The following EGFR variants were observed in gnomAD, a reference collection of about 807,000 sequenced individuals.
EGFR encodes the protein avian erythroblastic leukemia viral (v-erb-b) oncogene homolog.
A neutral mutation model predicts 143.0 loss-of-function variants in EGFR; 58 were observed. The observed-to-expected ratio is 0.41, with a 90% CI of 0.33 to 0.50. EGFR has a LOEUF of 0.50. EGFR is among the 20% of genes least tolerant of loss of function. The pLI is 0.39. For missense variants in EGFR, 1,307 were observed against 1,579.0 expected (o/e 0.83, Z 2.92); for synonymous variants, 613 against 594.4 (o/e 1.03, Z -0.45).
chr7:55,105,142 G>A (rs1048171382), intron 1 of EGFR, among the ~76,000 whole-genome samples: 1 of 152,200 alleles, frequency 6.6e-6, no homozygotes, highest in Admixed American at 6.5e-5. Flanking sequence ...GCTTGCGGTT[G>A]TTACATGTCT....
intron 2 of EGFR, 142 bp downstream of exon 2, chr7:55,142,579 G>A (rs1197362439): frequency 5.7e-6 from 6 of 1,056,932 alleles, no homozygotes; most frequent in East Asian, 2.5e-5. Context: ...AGAGTTTTAT[G>A]AGAAAGCCAT....
intron 19 of EGFR, among the ~76,000 whole-genome samples, chr7:55,176,003 G>A (rs1786574636): frequency 6.6e-6 from 1 of 152,098 alleles, no homozygotes; most frequent in South Asian, 2.1e-4. Flanking sequence ...CATTTTAACG[G>A]TTTACAAATT....
At chr7:55,041,242 G>A (rs937234029) in intron 1 of EGFR, among the ~76,000 whole-genome samples, 1 of 152,098 alleles carries the variant, frequency 6.6e-6, no homozygotes, top group Non-Finnish European at 1.5e-5. Flanking sequence ...GCAAAACCTC[G>A]TCTCTACTAA....
intron 4 of EGFR, among the ~76,000 whole-genome samples, chr7:55,149,365 TCA>T (rs139216717): frequency 1.3e-5 from 2 of 151,264 alleles, no homozygotes; most frequent in Non-Finnish European, 1.5e-5. Flanking sequence ...TCTCTTTCTG[TCA>T]CACACACACA....
chr7:55,201,292 C>T lies in EGFR; in HGVS notation c.3051C>T (p.Leu1017=), dbSNP rs780539015. ...ACGTGGTGGATGCCGACGAGTACCT[C>T]ATCCCACAGCAGGGCTTCTTCAGCA... is the stretch of plus-strand genomic sequence containing the variant. The part of the protein sequence containing the change: ...MDDVVDADEY[L]IPQQGFFSSP... The change falls in exon 25 of 28, where the codon CTC becomes CTT. Residue 1017 remains leucine, a synonymous_variant. Transcript: ENST00000275493. 3.1e-6 allele frequency: 5 copies of T among 1,613,902 alleles called. No individual in the cohort carries two copies. Among genetic ancestry groups the T allele is most frequent in the African/African-American group, 1.3e-5 (1 of 74,902 alleles).
At chr7:55,146,472 T>G in intron 3 of EGFR, 134 bp from the exon 4 acceptor site, 2 of 1,428,816 alleles carry the variant, frequency 1.4e-6, no homozygotes, top group Non-Finnish European at 1.9e-6. Flanking sequence ...GGAAGTTCAC[T>G]GGGCTAATTG....
At position 55,186,332 on chromosome 7, in the gene EGFR, G is replaced by A. The variant is rs149513378; in HGVS notation, c.2469+4854G>A. On this transcript the variant is annotated intron_variant, in intron 20 of 27. Coordinates refer to ENST00000275493, the MANE Select transcript of EGFR (RefSeq NM_005228.5). ...CAGGTCCCAGAGGGCTCCGGCCTTC[G>A]TCATCCAGGTTTGCTCCCTCCCCTC... 4.0e-4 allele frequency among the ~76,000 whole-genome samples: 61 copies of A among 152,316 alleles called. No homozygotes were observed. In the East Asian group the frequency reaches 4.1e-3, roughly 10 times the overall value.
chr7:55,100,869 A>C (rs1562714300), intron 1 of EGFR, among the ~76,000 whole-genome samples: 1 of 152,266 alleles, frequency 6.6e-6, no homozygotes, highest in Non-Finnish European at 1.5e-5. Flanking sequence ...TGCCACTGCC[A>C]GAGGCAATAT....
At chr7:55,200,873 C>T (rs949732146) in intron 24 of EGFR, 38 of 493,056 alleles carry the variant, frequency 7.7e-5, no homozygotes, top group Middle Eastern at 5.5e-4. Flanking sequence ...TTGCAAAATA[C>T]GCTCCCTAAC....
chr7:55,158,102 G>A (rs1412715614), intron 11 of EGFR, among the ~76,000 whole-genome samples: 2 of 152,204 alleles, frequency 1.3e-5, no homozygotes, highest in East Asian at 3.8e-4. Context: ...AAAACGTGTG[G>A]GTCAGGTACT....
chr7:55,160,835 G>A (rs534124757), intron 12 of EGFR, among the ~76,000 whole-genome samples: 41 of 152,350 alleles, frequency 2.7e-4, no homozygotes, highest in African/African-American at 9.6e-4. Flanking sequence ...CTAGCTTTGA[G>A]CCTCTGTCAA....
intron 27 of EGFR, chr7:55,203,095 A>T (rs79235098): frequency 0.026 from 7,236 of 273,144 alleles, 495 homozygotes; most frequent in African/African-American, 0.14. Flanking sequence ...ACCTGCTAAC[A>T]CACACACATA....
chr7:55,115,021 AC>A (rs1792750509), intron 1 of EGFR, among the ~76,000 whole-genome samples: 1 of 151,820 alleles, frequency 6.6e-6, no homozygotes, highest in Admixed American at 6.6e-5. Flanking sequence ...AGCTGGGACT[AC>A]AGGTGCCCGC....
intron 5 of EGFR, among the ~76,000 whole-genome samples, chr7:55,151,743 G>A (rs1324040016): frequency 3.9e-5 from 6 of 152,232 alleles, no homozygotes; most frequent in East Asian, 1.9e-4. Context: ...GCGTGGTGGC[G>A]GGCGCCTGTA....
At chr7:55,053,757 G>A (rs368334195) in intron 1 of EGFR, among the ~76,000 whole-genome samples, 3 of 152,248 alleles carry the variant, frequency 2.0e-5, no homozygotes, top group African/African-American at 4.8e-5. Flanking sequence ...CTGCTTTGTC[G>A]CAGGAACCTC....
intron 1 of EGFR, among the ~76,000 whole-genome samples, chr7:55,023,349 T>A (rs1786682338): frequency 6.6e-6 from 1 of 152,228 alleles, no homozygotes. Flanking sequence ...GTAAATATAA[T>A]TTTTAAAACC....
chr7:55,107,346 G>C (rs1792196974), intron 1 of EGFR, among the ~76,000 whole-genome samples: 1 of 152,192 alleles, frequency 6.6e-6, no homozygotes, highest in Admixed American at 6.5e-5. Flanking sequence ...CAAGAAAAAT[G>C]CCCATTGGGT....
Position 55,201,265 on chromosome 7 carries a change from C to A in EGFR, c.3024C>A (p.Asp1008Glu), listed in dbSNP as rs747143752. The change falls in exon 25 of 28, where the codon GAC becomes GAA. Residue 1008 changes from aspartate (D) to glutamate (E), a missense_variant. By Grantham distance (45) the Asp-to-Glu change is conservative. Around this residue, in one of 7 missense-constraint regions of EGFR, gnomAD observed 313 missense variants for 312.3 expected, o/e 1.00. Coordinates refer to ENST00000275493, the MANE Select transcript of EGFR (RefSeq NM_005228.5). ...YRALMDEEDM[D>E]DVVDADEYLI... ...CCCTGATGGATGAAGAAGACATGGA[C>A]GACGTGGTGGATGCCGACGAGTACC... 6.2e-7 allele frequency: 1 copy of A among 1,614,162 alleles called. No individual in the cohort carries two copies. Among genetic ancestry groups the A allele is most frequent in the East Asian group, 2.2e-5 (1 of 44,866 alleles).
At chr7:55,139,098 T>C (rs1476241701) in intron 1 of EGFR, among the ~76,000 whole-genome samples, 1 of 152,240 alleles carries the variant, frequency 6.6e-6, no homozygotes, top group Non-Finnish European at 1.5e-5. Context: ...CACTGTTGCA[T>C]TGGTGATTAA....
Sources: allele counts gnomAD v4.1 joint callset (sites outside exome capture counted in the v4.1 genomes callset), GRCh38; gene constraint gnomAD v4.1.1; regional missense constraint gnomAD v4.1.1; transcripts MANE v1.5; gene names NCBI Gene and HGNC (gene_info 2026-07-23, HGNC 2026-07-21).